Variants in RO60 observed in about 807,000 individuals in gnomAD.
The protein encoded by RO60 is RNA-binding protein RO60.
A neutral mutation model predicts 55.3 loss-of-function variants in RO60; 20 were observed. The observed-to-expected ratio is 0.36, with a 90% CI of 0.25 to 0.53. RO60 has a LOEUF of 0.53. RO60 is among the 20% of genes least tolerant of loss of function. The pLI is 0.92. For synonymous variants in RO60, 213 were observed against 213.6 expected (o/e 1.00, Z 0.02); for missense variants, 558 against 646.6 (o/e 0.86, Z 1.49).
At position 193,085,040 on chromosome 1, in the gene RO60, G is replaced by C. The variant is rs1158921662; in HGVS notation, c.*309G>C. The C allele has an allele frequency of 7.9e-6, 12 of 1,524,294 alleles. No homozygotes were observed. Among genetic ancestry groups the C allele is most frequent in the Non-Finnish European group, 1.1e-5 (12 of 1,139,822 alleles). The allele number at this position is 1,524,294 out of a possible 1,614,324, so 94.4% of individuals were successfully genotyped here. On this transcript the variant is annotated 3_prime_UTR_variant, in exon 9 of 9. Coordinates refer to ENST00000400968, the MANE Select transcript of RO60 (RefSeq NM_001173524.2). ...GAATAATACGTGTGTACCTAAAAGA[G>C]GTAAGAGCAAAAAGTGTAATTCCAC...
Position 193,090,226 on chromosome 1 carries a change from G to A in RO60, c.*5495G>A, listed in dbSNP as rs1674804018. 6.6e-6 allele frequency: 1 copy of A among 152,096 alleles called. No homozygotes were observed. Among genetic ancestry groups the A allele is most frequent in the South Asian group, 2.1e-4 (1 of 4,830 alleles). The allele number at this position is 152,096 out of a possible 1,614,324, so 9.4% of individuals were successfully genotyped here. On this transcript the variant is annotated 3_prime_UTR_variant, in exon 9 of 9. Coordinates refer to ENST00000400968, the MANE Select transcript of RO60 (RefSeq NM_001173524.2). ...TTCACTTCGATGTGGATATGGATAT[G>A]TGGATAAAGACAGTAAATGAAATTA...
At chr1:193,079,050 G>A (rs952803414) in intron 5 of RO60, among the ~76,000 whole-genome samples, 34 of 147,078 alleles carry the variant, frequency 2.3e-4, no homozygotes, top group African/African-American at 8.2e-4. Context: ...AGAAAGTCCA[G>A]AGATAAAACC....
intron 3 of RO60, among the ~76,000 whole-genome samples, 157 bp from the exon 4 acceptor site, chr1:193,076,344 G>C (rs1673917427): frequency 1.3e-5 from 2 of 151,952 alleles, no homozygotes; most frequent in South Asian, 4.1e-4. Context: ...TAGCTTATTT[G>C]ATAAGCCTTT....
chr1:193,082,832 A>G (rs1447379604), intron 8 of RO60, 124 bp downstream of exon 8: 3 of 750,110 alleles, frequency 4.0e-6, no homozygotes, highest in East Asian at 3.0e-5. Flanking sequence ...TGGCTCAGTC[A>G]TAGCTCACTG....
At position 193,059,679 on chromosome 1, in the gene RO60, C is replaced by G. The variant is rs758305862; in HGVS notation, c.-119C>G. ...GGGCTGTTGCTGTTGCTGTGGCTGT[C>G]GCTGCCCGTCAGGCTGCCTTCTTTT... On this transcript the variant is annotated 5_prime_UTR_variant, in exon 1 of 9. Coordinates refer to ENST00000400968, the MANE Select transcript of RO60 (RefSeq NM_001173524.2). The surrounding 1 kb of genome is among the most constrained non-coding windows in gnomAD (Gnocchi z 4.9). The G allele has an allele frequency of 7.3e-7, 1 of 1,366,382 alleles. No homozygotes were observed. The highest frequency in any genetic ancestry group is 1.5e-5 in the African/African-American group (1 of 68,124). 84.6% of individuals were successfully genotyped at this position (1,366,382 alleles called of 1,614,324 possible).
intron 1 of RO60, among the ~76,000 whole-genome samples, chr1:193,063,098 C>G (rs1672890675): frequency 6.6e-6 from 1 of 152,184 alleles, no homozygotes; most frequent in Non-Finnish European, 1.5e-5. Flanking sequence ...TGAGAAACTG[C>G]CAGACTGTTT....
At chr1:193,063,045 G>A (rs1438695614) in intron 1 of RO60, among the ~76,000 whole-genome samples, 1 of 152,170 alleles carries the variant, frequency 6.6e-6, no homozygotes, top group Non-Finnish European at 1.5e-5. Flanking sequence ...TCTTAGGTGT[G>A]TGGTAGAATT....
chr1:193,089,817 T>A lies in RO60; in HGVS notation c.*5086T>A, dbSNP rs1674782629. 6.6e-6 allele frequency: 1 copy of A among 151,034 alleles called. No individual in the cohort carries two copies. Among genetic ancestry groups the A allele is most frequent in the Non-Finnish European group, 1.5e-5 (1 of 67,634 alleles). The allele number at this position is 151,034 out of a possible 1,614,324, so 9.4% of individuals were successfully genotyped here. On this transcript the variant is annotated 3_prime_UTR_variant, in exon 9 of 9. Transcript: ENST00000400968. ...TGATATTTAACTTTTCTTTTTTTTT[T>A]TTTTTTTGAGACAGAGTCTCACTCC...
intron 2 of RO60, 125 bp downstream of exon 2, chr1:193,069,759 A>G (rs1673355720): frequency 1.3e-6 from 1 of 745,870 alleles, no homozygotes; most frequent in Admixed American, 3.1e-5. Flanking sequence ...CTCAAAATAT[A>G]CATTAATTCA....
In RO60 at chr1:193,089,508, A is replaced by C. The variant is rs1205975166; in HGVS notation, c.*4777A>C. 6.6e-6 allele frequency: 1 copy of C among 152,162 alleles called. No individual in the cohort carries two copies. The highest frequency in any genetic ancestry group is 1.5e-5 in the Non-Finnish European group (1 of 68,014). 9.4% of individuals were successfully genotyped at this position (152,162 alleles called of 1,614,324 possible). A position where few individuals can be genotyped will look rare whatever the true frequency, so the allele number is the denominator to read the frequency against. The stretch of plus-strand genomic sequence containing the variant: ...AGTATTTTTCATGTATAAAACTAAT[A>C]ATGTAGTTAAGCATACTGTTTGAAT... On this transcript the variant is annotated 3_prime_UTR_variant, in exon 9 of 9. Transcript: ENST00000400968.
intron 5 of RO60, among the ~76,000 whole-genome samples, chr1:193,077,695 A>T (rs1256361058): frequency 6.6e-6 from 1 of 152,158 alleles, no homozygotes; most frequent in Non-Finnish European, 1.5e-5. Context: ...CAGCCAAACC[A>T]TATCAACAAT....
At chr1:193,060,957 C>T (rs1672603633) in intron 1 of RO60, among the ~76,000 whole-genome samples, 1 of 152,112 alleles carries the variant, frequency 6.6e-6, no homozygotes, top group African/African-American at 2.4e-5. Flanking sequence ...GTGCAAAATA[C>T]ATCAAAACTA....
At chr1:193,083,631 G>A (rs551089159) in intron 8 of RO60, among the ~76,000 whole-genome samples, 29 of 152,310 alleles carry the variant, frequency 1.9e-4, no homozygotes, top group South Asian at 2.1e-4. Context: ...AATTCCTGAG[G>A]CCCGTCAGAG....
At chr1:193,091,461 C>T (rs1305586168), downstream of RO60, 2 of 496,770 alleles carry the variant, frequency 4.0e-6, no homozygotes, top group Admixed American at 8.3e-5. Flanking sequence ...GGACAGGGAG[C>T]TTCCTAGGTC....
At chr1:193,077,802 A>G (rs553650357) in intron 5 of RO60, among the ~76,000 whole-genome samples, 13 of 152,350 alleles carry the variant, frequency 8.5e-5, no homozygotes, top group Admixed American at 7.8e-4. Context: ...TGGGGATTAC[A>G]GTGAACATAA....
chr1:193,070,076 G>A (rs974259692), intron 2 of RO60, among the ~76,000 whole-genome samples: 2 of 150,260 alleles, frequency 1.3e-5, no homozygotes, highest in Admixed American at 6.7e-5. Context: ...TTAGGTAACT[G>A]TACACAGCTG....
intron 1 of RO60, among the ~76,000 whole-genome samples, chr1:193,064,689 T>C (rs1672999016): frequency 6.6e-6 from 1 of 152,194 alleles, no homozygotes. Context: ...CACAGAAGCA[T>C]AGGAAAACCT....
intron 2 of RO60, among the ~76,000 whole-genome samples, chr1:193,074,911 T>C (rs2103050388): frequency 1.3e-5 from 2 of 152,284 alleles, no homozygotes; most frequent in Non-Finnish European, 2.9e-5. Context: ...AATTTTTGTA[T>C]AAGGTGTAAG....
intron 1 of RO60, among the ~76,000 whole-genome samples, chr1:193,067,364 ATTT>A (rs1673188018): frequency 6.6e-6 from 1 of 151,406 alleles, no homozygotes; most frequent in South Asian, 2.1e-4. Context: ...AATTTTTTGT[ATTT>A]TTAGTAGAGA....
Sources: gnomAD v4.1 joint callset for allele counts (sites outside exome capture counted in the v4.1 genomes callset) on GRCh38, gnomAD v4.1.1 for gene constraint, Gnocchi (gnomAD v3.1) non-coding constraint, MANE v1.5 for transcripts, NCBI Gene and HGNC (gene_info 2026-07-23, HGNC 2026-07-21) for gene names.